Variants in FRMD4A observed in about 807,000 individuals in gnomAD.
FRMD4A encodes FERM domain-containing protein 4A.
In FRMD4A, 29 loss-of-function variants were observed where a neutral mutation model predicts 129.1. The ratio of observed to expected loss-of-function variants is 0.22; its 90% CI spans 0.17 to 0.31. The LOEUF is 0.31. Ranked by LOEUF, FRMD4A falls within the 10% of genes least tolerant of loss-of-function variation. The pLI is 1.00. For missense variants in FRMD4A, 1,272 were observed against 1,375.8 expected (o/e 0.92, Z 1.19); for synonymous variants, 634 against 571.6 (o/e 1.11, Z -1.56).
intron 15 of FRMD4A, among the ~76,000 whole-genome samples, chr10:13,680,969 C>G (rs2084526810): frequency 6.6e-6 from 1 of 152,032 alleles, no homozygotes; most frequent in Admixed American, 6.5e-5. Context: ...CACATATCTG[C>G]CATTAAATGG....
chr10:14,107,984 A>C (rs1221841373), intron 2 of FRMD4A, among the ~76,000 whole-genome samples: 1 of 152,200 alleles, frequency 6.6e-6, no homozygotes, highest in African/African-American at 2.4e-5. Flanking sequence ...AGTGGACCAA[A>C]GAGTAAATGC....
intron 2 of FRMD4A, among the ~76,000 whole-genome samples, chr10:14,176,077 C>A (rs1370038919): frequency 1.3e-5 from 2 of 152,110 alleles, no homozygotes; most frequent in Non-Finnish European, 2.9e-5. Context: ...TTTAGGGATC[C>A]CTAATATTTT....
intron 2 of FRMD4A, among the ~76,000 whole-genome samples, chr10:14,263,770 G>T (rs963715395): frequency 6.6e-6 from 1 of 152,164 alleles, no homozygotes. Context: ...ATAACTATCA[G>T]GTTCTCGGTT....
At chr10:13,906,268 A>G (rs542390469) in intron 2 of FRMD4A, among the ~76,000 whole-genome samples, 4 of 152,226 alleles carry the variant, frequency 2.6e-5, no homozygotes, top group Non-Finnish European at 5.9e-5. Context: ...CTGTCTATAT[A>G]GCAGGCTGAA....
intron 2 of FRMD4A, among the ~76,000 whole-genome samples, chr10:13,981,525 G>T (rs2095560728): frequency 6.6e-6 from 1 of 151,968 alleles, no homozygotes; most frequent in Admixed American, 6.6e-5. Context: ...CGGATCATGA[G>T]ATCAGGAGTT....
intron 2 of FRMD4A, among the ~76,000 whole-genome samples, chr10:14,243,147 C>T (rs181766642): frequency 1.3e-5 from 2 of 152,288 alleles, no homozygotes; most frequent in Admixed American, 1.3e-4. Context: ...TGCTACAACA[C>T]AAATAAACCT....
At chr10:13,994,041 G>A (rs1204608127) in intron 2 of FRMD4A, among the ~76,000 whole-genome samples, 3 of 143,176 alleles carry the variant, frequency 2.1e-5, no homozygotes, top group Non-Finnish European at 3.0e-5. Flanking sequence ...ATGGAGCCTT[G>A]CTTCGTTGCC....
rs1346731265 is a variant in FRMD4A, at chr10:13,796,560, G to C, written c.235C>G (p.Arg79Gly). The C allele has an allele frequency of 1.2e-6, 2 of 1,600,786 alleles. No homozygotes were observed. The highest frequency in any genetic ancestry group is 1.7e-6 in the Non-Finnish European group (2 of 1,168,060). ...GGGAAGTCATGTTCCAATACTCTTC[G>C]ATCTAGCTGAAGCCAGTTTAAGTGT... ...TGHLNWLQLDRRVLEHDFPKK... is the reference protein window; with the variant it reads ...TGHLNWLQLDGRVLEHDFPKK... Residue 79 changes from arginine to glycine, a missense_variant, in exon 5 of 25, where the codon CGA (arginine) becomes GGA (glycine). By Grantham distance (125) the Arg-to-Gly change is moderately radical. Transcript: ENST00000357447.
At chr10:14,185,581 T>G (rs1307353171) in intron 2 of FRMD4A, among the ~76,000 whole-genome samples, 1 of 151,788 alleles carries the variant, frequency 6.6e-6, no homozygotes, top group Non-Finnish European at 1.5e-5. Context: ...AATCTCGTCT[T>G]GTAAGAAAGA....
chr10:13,682,904 C>T (rs2084740157), intron 15 of FRMD4A, among the ~76,000 whole-genome samples: 1 of 152,198 alleles, frequency 6.6e-6, no homozygotes, highest in African/African-American at 2.4e-5. Context: ...AAAAACTCAA[C>T]ACGGGTAGGA....
At chr10:13,652,663 G>C (rs953546437) in intron 23 of FRMD4A, among the ~76,000 whole-genome samples, 6 of 152,174 alleles carry the variant, frequency 3.9e-5, no homozygotes, top group African/African-American at 1.4e-4. Flanking sequence ...CAAGAAGTAG[G>C]AGCAGACACA....
intron 2 of FRMD4A, among the ~76,000 whole-genome samples, chr10:14,081,307 G>A (rs1169461673): frequency 6.6e-6 from 1 of 152,158 alleles, no homozygotes. Context: ...TTAGACAGCT[G>A]CATTAAAGCC....
chr10:13,745,474 G>A (rs1464851511), intron 9 of FRMD4A, among the ~76,000 whole-genome samples: 12 of 152,212 alleles, frequency 7.9e-5, no homozygotes, highest in Admixed American at 2.6e-4. Flanking sequence ...CAGGGAAAGC[G>A]CTGGCCTGGT....
chr10:13,871,389 G>C (rs1383808402), intron 2 of FRMD4A, among the ~76,000 whole-genome samples: 1 of 152,182 alleles, frequency 6.6e-6, no homozygotes, highest in East Asian at 1.9e-4. Flanking sequence ...TTGTGACAGT[G>C]CATGCCTTGG....
intron 12 of FRMD4A, among the ~76,000 whole-genome samples, chr10:13,717,144 A>C (rs1251121689): frequency 6.6e-6 from 1 of 152,212 alleles, no homozygotes; most frequent in Admixed American, 6.5e-5. Flanking sequence ...TTCCTTGAAA[A>C]AAAGCCAAGG....
chr10:14,274,003 G>A (rs1219724596), intron 2 of FRMD4A, among the ~76,000 whole-genome samples: 1 of 152,114 alleles, frequency 6.6e-6, no homozygotes, highest in Non-Finnish European at 1.5e-5. Context: ...GATGGTGGGG[G>A]GAGAAATGAA....
At chr10:13,988,798 C>A (rs531075863) in intron 2 of FRMD4A, among the ~76,000 whole-genome samples, 8 of 152,226 alleles carry the variant, frequency 5.3e-5, no homozygotes, top group African/African-American at 1.9e-4. Flanking sequence ...ATCTACCTAC[C>A]TACCTACCTA....
Position 13,651,930 on chromosome 10 carries a change from G to A in FRMD4A, c.3095C>T (p.Pro1032Leu). The stretch of plus-strand genomic sequence containing the variant: ...CTATTCATCAGTACTTTGGTGAGGT[G>A]GAGACTCAGACCCATCCAGAATGGG... Reference protein sequence around the residue: ...NSPILDGSESPPHQSTDE With the variant: ...NSPILDGSESLPHQSTDE The change falls in exon 24 of 25, where the codon CCA becomes CTA. Residue 1032 changes from proline to leucine, a missense_variant. Pro to Leu is a moderately conservative substitution (Grantham distance 98). This residue lies in a region of FRMD4A where 972 missense variants were observed against 892.3 expected (regional missense o/e 1.09). Coordinates refer to ENST00000357447, the MANE Select transcript of FRMD4A (RefSeq NM_018027.5). 1 of 1,593,920 alleles carries A rather than the reference G, an allele frequency of 6.3e-7. No homozygotes were observed. Among genetic ancestry groups the A allele is most frequent in the Non-Finnish European group, 8.6e-7 (1 of 1,161,516 alleles).
At chr10:13,987,281 T>A (rs2095585045) in intron 2 of FRMD4A, among the ~76,000 whole-genome samples, 1 of 152,106 alleles carries the variant, frequency 6.6e-6, no homozygotes, top group Non-Finnish European at 1.5e-5. Context: ...TAATAAACGA[T>A]CCTTCCCCCA....
Sources: allele counts gnomAD v4.1 joint callset (sites outside exome capture counted in the v4.1 genomes callset), GRCh38; gene constraint gnomAD v4.1.1; regional missense constraint gnomAD v4.1.1; transcripts MANE v1.5; gene names NCBI Gene and HGNC (gene_info 2026-07-23, HGNC 2026-07-21).